The following SLC1A3 variants were observed in gnomAD, a reference collection of about 807,000 sequenced individuals.
SLC1A3 encodes solute carrier family 1 member 3, also known as excitatory amino acid transporter 1.
A neutral mutation model predicts 48.1 loss-of-function variants in SLC1A3; 21 were observed. The observed-to-expected ratio is 0.44, with a 90% CI of 0.31 to 0.63. SLC1A3 has a LOEUF of 0.63. Among genes scored for constraint, SLC1A3 ranks in the 20% least tolerant of loss-of-function variants. The pLI is 0.08. For missense variants in SLC1A3, 546 were observed against 689.0 expected (o/e 0.79, Z 2.32); for synonymous variants, 239 against 251.4 (o/e 0.95, Z 0.47).
upstream of SLC1A3, among the ~76,000 whole-genome samples, chr5:36,602,262 C>T (rs1392921144): frequency 6.6e-6 from 1 of 152,180 alleles, no homozygotes; most frequent in East Asian, 1.9e-4. Flanking sequence ...CTTGTCTTAG[C>T]GCTGACTATG....
chr5:36,600,233 C>T (rs1473884115), intron 1 of SLC1A3, among the ~76,000 whole-genome samples: 1 of 152,062 alleles, frequency 6.6e-6, no homozygotes, highest in East Asian at 1.9e-4. Context: ...AGTGGCTCTG[C>T]CTCCCGACTC....
chr5:36,616,721 C>A (rs944448385), intron 2 of SLC1A3, among the ~76,000 whole-genome samples: 2 of 152,130 alleles, frequency 1.3e-5, no homozygotes, highest in African/African-American at 2.4e-5. Context: ...ATACACATCG[C>A]ATTACTTGAA....
At chr5:36,651,829 G>T (rs1741089540) in intron 3 of SLC1A3, among the ~76,000 whole-genome samples, 1 of 152,052 alleles carries the variant, frequency 6.6e-6, no homozygotes, top group Non-Finnish European at 1.5e-5. Context: ...ATTTTATAAA[G>T]TGTTGTGAAA....
intron 4 of SLC1A3, 28 bp from the exon 5 acceptor site, chr5:36,674,021 T>C: frequency 6.2e-7 from 1 of 1,604,592 alleles, no homozygotes; most frequent in South Asian, 1.1e-5. Context: ...TTGGAAAATT[T>C]TGCAAGTGAC....
intron 3 of SLC1A3, among the ~76,000 whole-genome samples, chr5:36,660,329 C>T (rs1741453174): frequency 6.6e-6 from 1 of 152,050 alleles, no homozygotes; most frequent in African/African-American, 2.4e-5. Flanking sequence ...GGACTGTCCA[C>T]AATTTTCTTG....
chr5:36,611,185 G>A (rs1374307101), intron 2 of SLC1A3, among the ~76,000 whole-genome samples: 1 of 151,304 alleles, frequency 6.6e-6, no homozygotes, highest in Non-Finnish European at 1.5e-5. Flanking sequence ...TGCTAGCAAG[G>A]AAGAAGGAGA....
At chr5:36,684,875 GC>G (rs1742582737) in intron 9 of SLC1A3, among the ~76,000 whole-genome samples, 1 of 152,136 alleles carries the variant, frequency 6.6e-6, no homozygotes, top group East Asian at 1.9e-4. Flanking sequence ...AAATGAGGGT[GC>G]CCGTGTCCTC....
chr5:36,640,538 T>A (rs1740573923), intron 3 of SLC1A3, among the ~76,000 whole-genome samples: 1 of 152,192 alleles, frequency 6.6e-6, no homozygotes, highest in Admixed American at 6.5e-5. Flanking sequence ...GGGAAGAAAT[T>A]TCCCCTAAAT....
chr5:36,671,940 A>G (rs903677926), intron 4 of SLC1A3, among the ~76,000 whole-genome samples: 3 of 152,080 alleles, frequency 2.0e-5, no homozygotes, highest in Non-Finnish European at 4.4e-5. Context: ...TCCCCTACAC[A>G]CCTGCCCTTG....
chr5:36,627,820 A>G, intron 2 of SLC1A3, among the ~76,000 whole-genome samples: 1 of 152,208 alleles, frequency 6.6e-6, no homozygotes. Flanking sequence ...TCTGAGTCCA[A>G]ATTGTCTGTT....
intron 2 of SLC1A3, among the ~76,000 whole-genome samples, chr5:36,614,608 C>T (rs907088535): frequency 9.2e-5 from 14 of 152,142 alleles, no homozygotes; most frequent in South Asian, 4.1e-4. Flanking sequence ...TGACAGTAGA[C>T]GCCTCTCTCA....
At chr5:36,641,455 T>G (rs992903466) in intron 3 of SLC1A3, among the ~76,000 whole-genome samples, 1 of 152,228 alleles carries the variant, frequency 6.6e-6, no homozygotes, top group African/African-American at 2.4e-5. Flanking sequence ...GTTTCATTAT[T>G]TTAAAGCTAC....
intron 3 of SLC1A3, among the ~76,000 whole-genome samples, chr5:36,641,176 C>T (rs75027360): frequency 0.16 from 24,180 of 152,180 alleles, 2,414 homozygotes; most frequent in Non-Finnish European, 0.22. Flanking sequence ...AATGTTTATG[C>T]TGTGAAATTT....
upstream of SLC1A3, among the ~76,000 whole-genome samples, chr5:36,605,783 T>A (rs9292636): frequency 4.6e-5 from 7 of 152,186 alleles, no homozygotes; most frequent in East Asian, 1.9e-4. Context: ...GACTAGAAGC[T>A]CAAGTTACCT....
At chr5:36,668,434 G>T (rs1359215019) in intron 3 of SLC1A3, 1 of 152,200 alleles carries the variant, frequency 6.6e-6, no homozygotes, top group Non-Finnish European at 1.5e-5. Flanking sequence ...CCTTGTTCCT[G>T]GTGGTCTCAT....
chr5:36,619,446 C>T (rs1315278619), intron 2 of SLC1A3, among the ~76,000 whole-genome samples: 1 of 152,138 alleles, frequency 6.6e-6, no homozygotes, highest in East Asian at 1.9e-4. Context: ...TTGAGACCAG[C>T]CTGGGCAACA....
chr5:36,656,163 TA>T (rs916420258), intron 3 of SLC1A3, among the ~76,000 whole-genome samples: 1 of 152,012 alleles, frequency 6.6e-6, no homozygotes, highest in Non-Finnish European at 1.5e-5. Context: ...AACTACTGGG[TA>T]AAAAAAATAT....
intron 3 of SLC1A3, among the ~76,000 whole-genome samples, chr5:36,651,139 TTTAAA>T (rs1393783064): frequency 1.5e-5 from 1 of 68,360 alleles, no homozygotes; most frequent in African/African-American, 5.2e-5. Context: ...CTAAGTTTTT[TTTAAA>T]AAAAAAAAAA....
chr5:36,629,600 G>C lies in SLC1A3; in HGVS notation c.319+13G>C. ...AGTCTTGTCACAGGTACCATAAGCA[G>C]TTGTTGGTTTGTTTGGTTTTTTTTA... On this transcript the variant is annotated intron_variant, in intron 3 of 9. Coordinates refer to ENST00000265113, the MANE Select transcript of SLC1A3 (RefSeq NM_004172.5). 1 of 1,610,850 alleles carries C rather than the reference G, an allele frequency of 6.2e-7. No individual in the cohort carries two copies. Among genetic ancestry groups the C allele is most frequent in the Non-Finnish European group, 8.5e-7 (1 of 1,177,970 alleles).
Sources: allele counts gnomAD v4.1 joint callset (sites outside exome capture counted in the v4.1 genomes callset), GRCh38; gene constraint gnomAD v4.1.1; transcripts MANE v1.5; gene names NCBI Gene and HGNC (gene_info 2026-07-23, HGNC 2026-07-21).